GULP1: variants seen among roughly 807,000 people sequenced by gnomAD.
GULP1 encodes PTB domain-containing engulfment adapter protein 1.
Under a neutral mutation model 40.9 loss-of-function variants are expected in GULP1, and 19 were observed. That is an observed-to-expected ratio of 0.46 (90% CI 0.32 to 0.68). The LOEUF (loss-of-function observed/expected upper bound fraction) is 0.68, where lower values mean the gene tolerates loss of function less well. Ranked by LOEUF, GULP1 falls within the 30% of genes least tolerant of loss-of-function variation. The pLI is 0.03. For missense variants in GULP1, 312 were observed against 362.2 expected, an observed-to-expected ratio of 0.86 and a Z score of 1.12; for synonymous variants, 119 against 117.6, an observed-to-expected ratio of 1.01 and a Z score of -0.08.
intron 2 of GULP1, among the ~76,000 whole-genome samples, chr2:188,425,784 A>G (rs912177123): frequency 2.0e-5 from 3 of 152,130 alleles, no homozygotes; most frequent in African/African-American, 4.8e-5. Context: ...TTCATGATGT[A>G]TCTTCTTAGG....
intron 2 of GULP1, among the ~76,000 whole-genome samples, chr2:188,410,916 A>T (rs1271473607): frequency 6.6e-6 from 1 of 152,156 alleles, no homozygotes; most frequent in African/African-American, 2.4e-5. Flanking sequence ...TGAGTAAATA[A>T]CTTAAAGTAG....
chr2:188,511,717 T>C (rs924134150), intron 4 of GULP1, among the ~76,000 whole-genome samples: 2 of 152,122 alleles, frequency 1.3e-5, no homozygotes, highest in African/African-American at 4.8e-5. Flanking sequence ...AAAAATAATA[T>C]ACCCTATATC....
At chr2:188,452,155 T>G (rs1021242339) in intron 2 of GULP1, among the ~76,000 whole-genome samples, 1 of 152,202 alleles carries the variant, frequency 6.6e-6, no homozygotes, top group Non-Finnish European at 1.5e-5. Flanking sequence ...GACTTGTGCC[T>G]TTTCTGTCTA....
At chr2:188,335,736 T>G (rs1426041390) in intron 1 of GULP1, among the ~76,000 whole-genome samples, 1 of 152,194 alleles carries the variant, frequency 6.6e-6, no homozygotes, top group Non-Finnish European at 1.5e-5. Flanking sequence ...TTGCCCTTAG[T>G]TTATAGTAAC....
chr2:188,401,114 G>A (rs1233334810), intron 2 of GULP1, among the ~76,000 whole-genome samples: 1 of 152,042 alleles, frequency 6.6e-6, no homozygotes, highest in Admixed American at 6.6e-5. Context: ...ACAAATCTTA[G>A]TATGTTAGTA....
At chr2:188,477,436 G>A (rs1392646094) in intron 2 of GULP1, among the ~76,000 whole-genome samples, 1 of 152,070 alleles carries the variant, frequency 6.6e-6, no homozygotes, top group African/African-American at 2.4e-5. Context: ...CAAAATTGAA[G>A]AACTTGGGAG....
chr2:188,468,589 A>G (rs180752663), intron 2 of GULP1, among the ~76,000 whole-genome samples: 7 of 152,314 alleles, frequency 4.6e-5, no homozygotes, highest in South Asian at 2.1e-4. Flanking sequence ...ATCTTTTGCA[A>G]TTCATTTGAG....
At chr2:188,509,403 C>G (rs2064270055) in intron 4 of GULP1, among the ~76,000 whole-genome samples, 1 of 152,084 alleles carries the variant, frequency 6.6e-6, no homozygotes, top group Non-Finnish European at 1.5e-5. Context: ...TACAGCAATG[C>G]TTTGCAGAAA....
In GULP1 at chr2:188,519,451, C is replaced by T. The variant is rs534680956; in HGVS notation, c.91-3305C>T. On this transcript the variant is annotated intron_variant, in intron 4 of 11. Coordinates refer to ENST00000409830, the MANE Select transcript of GULP1 (RefSeq NM_016315.4). ...ATAGTCTATTACTGATAGACCAGAC[C>T]CTTCCTTCTTCTAGTTCAATAATTA... 7.2e-5 allele frequency among the ~76,000 whole-genome samples: 11 copies of T among 152,228 alleles called. No individual in the cohort carries two copies. The South Asian group carries it at 2.3e-3, about 32-fold the overall frequency.
intron 9 of GULP1, among the ~76,000 whole-genome samples, chr2:188,581,383 T>TG (rs1175883062): frequency 6.6e-6 from 1 of 152,174 alleles, no homozygotes; most frequent in Non-Finnish European, 1.5e-5. Flanking sequence ...TGCCATTCCT[T>TG]GGGGAAAATG....
chr2:188,323,427 C>A (rs377144969), intron 1 of GULP1, among the ~76,000 whole-genome samples: 2 of 151,900 alleles, frequency 1.3e-5, no homozygotes, highest in Non-Finnish European at 2.9e-5. Flanking sequence ...GGACTCCACT[C>A]TTTGCATGCA....
At chr2:188,358,546 T>C (rs1259226571) in intron 1 of GULP1, among the ~76,000 whole-genome samples, 1 of 152,136 alleles carries the variant, frequency 6.6e-6, no homozygotes, top group Admixed American at 6.6e-5. Flanking sequence ...ATATGCTAAT[T>C]ACCCTGATTT....
intron 1 of GULP1, among the ~76,000 whole-genome samples, chr2:188,313,318 A>G (rs542076358): frequency 1.3e-5 from 2 of 152,236 alleles, no homozygotes; most frequent in South Asian, 2.1e-4. Context: ...GAAGGGGTCC[A>G]GTTTCAATTT....
At chr2:188,420,350 T>C (rs1185082186) in intron 2 of GULP1, among the ~76,000 whole-genome samples, 1 of 152,230 alleles carries the variant, frequency 6.6e-6, no homozygotes, top group East Asian at 1.9e-4. Context: ...TAATTTCTTT[T>C]ATCAGTAATT....
At chr2:188,508,322 C>G (rs1187426196) in intron 4 of GULP1, among the ~76,000 whole-genome samples, 1 of 151,892 alleles carries the variant, frequency 6.6e-6, no homozygotes, top group Non-Finnish European at 1.5e-5. Context: ...AAAAAGTAAA[C>G]AAAATTACCA....
At chr2:188,532,804 C>T (rs926762501) in intron 6 of GULP1, among the ~76,000 whole-genome samples, 3 of 151,362 alleles carry the variant, frequency 2.0e-5, no homozygotes, top group Non-Finnish European at 4.4e-5. Context: ...GCCTGTAATC[C>T]CAGCCACTCA....
At chr2:188,422,100 C>A (rs1575146473) in intron 2 of GULP1, among the ~76,000 whole-genome samples, 1 of 137,116 alleles carries the variant, frequency 7.3e-6, no homozygotes. Flanking sequence ...TTTTTTTTGA[C>A]CTGGTCTTTC....
chr2:188,542,998 C>G (rs1036883807), intron 7 of GULP1, among the ~76,000 whole-genome samples: 1 of 151,944 alleles, frequency 6.6e-6, no homozygotes, highest in African/African-American at 2.4e-5. Context: ...TAGATTTGTG[C>G]CATTTGTTTT....
chr2:188,386,274 G>A (rs1485164369), intron 2 of GULP1, among the ~76,000 whole-genome samples: 2 of 152,096 alleles, frequency 1.3e-5, no homozygotes, highest in African/African-American at 4.8e-5. Flanking sequence ...ATCAGATCTT[G>A]TGATGGTTTT....
Sources: allele counts gnomAD v4.1 joint callset (sites outside exome capture counted in the v4.1 genomes callset), GRCh38; gene constraint gnomAD v4.1.1; transcripts MANE v1.5; gene names NCBI Gene and HGNC (gene_info 2026-07-23, HGNC 2026-07-21).